The following CXADR variants were observed in gnomAD, a reference collection of about 807,000 sequenced individuals.
The protein encoded by CXADR is CXADR cell adhesion molecule.
A neutral mutation model predicts 40.3 loss-of-function variants in CXADR; 20 were observed. That is an observed-to-expected ratio of 0.50 (90% CI 0.35 to 0.72). CXADR has a LOEUF of 0.72. Among genes scored for constraint, CXADR ranks in the 30% least tolerant of loss-of-function variants. The pLI, the probability that CXADR is intolerant of heterozygous loss-of-function variation, is 0.01. For missense variants in CXADR, 332 were observed against 449.1 expected (o/e 0.74, Z 2.36); for synonymous variants, 150 against 161.3 (o/e 0.93, Z 0.53).
chr21:17,523,919 C>T (rs938920795), intron 1 of CXADR, among the ~76,000 whole-genome samples: 1 of 151,820 alleles, frequency 6.6e-6, no homozygotes, highest in African/African-American at 2.4e-5. Context: ...AGTGCAGTGG[C>T]GCGATCTCGG....
At chr21:17,615,591 T>G in the CXADR span, among the ~76,000 whole-genome samples, 1 of 152,204 alleles carries the variant, frequency 6.6e-6, no homozygotes, top group Non-Finnish European at 1.5e-5. Flanking sequence ...TCAAAATATC[T>G]TATTGTACTG....
intron 1 of CXADR, among the ~76,000 whole-genome samples, chr21:17,535,349 A>G (rs566754258): frequency 6.6e-6 from 1 of 152,072 alleles, no homozygotes; most frequent in African/African-American, 2.4e-5. Context: ...GCTTAGATCT[A>G]CCATGCCTGG....
the CXADR span, among the ~76,000 whole-genome samples, chr21:17,616,304 A>G: frequency 6.7e-6 from 1 of 150,098 alleles, no homozygotes; most frequent in Non-Finnish European, 1.5e-5. Flanking sequence ...TTCTCAATTC[A>G]CTTGTCAAGT....
At chr21:17,560,393 G>A (rs1466739813) in intron 4 of CXADR, among the ~76,000 whole-genome samples, 1 of 152,146 alleles carries the variant, frequency 6.6e-6, no homozygotes, top group Non-Finnish European at 1.5e-5. Flanking sequence ...GTGGAATGCG[G>A]TAGCGTTTAT....
Position 17,569,642 on chromosome 21 carries a change from A to G in CXADR, c.*3950A>G. The G allele has an allele frequency of 2.0e-6, 2 of 981,502 alleles. No homozygotes were observed. The highest frequency in any genetic ancestry group is 2.4e-6 in the Non-Finnish European group (2 of 826,414). The allele number at this position is 981,502 out of a possible 1,614,324, so 60.8% of individuals were successfully genotyped here. ...TATTTATCTTTAGGGAAGGCTGATC[A>G]TTTATCTTATAGCAGATAACCCCAG... On this transcript the variant is annotated 3_prime_UTR_variant, in exon 7 of 7. Coordinates refer to ENST00000284878, the MANE Select transcript of CXADR (RefSeq NM_001338.5).
chr21:17,584,316 A>G (rs1225545695), intron 7 of CXADR, among the ~76,000 whole-genome samples: 1 of 152,174 alleles, frequency 6.6e-6, no homozygotes, highest in African/African-American at 2.4e-5. Flanking sequence ...TTAATTAAAG[A>G]CGTAGCTTTG....
chr21:17,557,752 GAA>G (rs3838062), intron 3 of CXADR, among the ~76,000 whole-genome samples: 96,322 of 151,816 alleles, frequency 0.63, 30,961 homozygotes, highest in East Asian at 0.76. Context: ...GGTTCCAGAA[GAA>G]GAGCTAATCT....
chr21:17,522,974 T>C (rs572826839), intron 1 of CXADR, among the ~76,000 whole-genome samples: 1 of 152,334 alleles, frequency 6.6e-6, no homozygotes, highest in South Asian at 2.1e-4. Context: ...ATGAATATCT[T>C]ACTTGGCCTT....
chr21:17,551,598 A>G (rs936748090), intron 2 of CXADR, 151 bp from the exon 3 acceptor site: 2 of 628,186 alleles, frequency 3.2e-6, no homozygotes, highest in Non-Finnish European at 5.6e-6. Context: ...TGGTTTGGGT[A>G]GTTTTATGTT....
chr21:17,582,892 T>C (rs542444250), intron 7 of CXADR, among the ~76,000 whole-genome samples: 92 of 152,342 alleles, frequency 6.0e-4, no homozygotes, highest in African/African-American at 2.2e-3. Context: ...CTGCTGGCAC[T>C]GTGCTCTTTT....
chr21:17,525,208 A>C (rs1237079529), intron 1 of CXADR, among the ~76,000 whole-genome samples: 1 of 152,244 alleles, frequency 6.6e-6, no homozygotes, highest in Non-Finnish European at 1.5e-5. Context: ...GAAACGTTAA[A>C]ATCATTTTCA....
chr21:17,593,866 A>T, downstream of CXADR: 1 of 536,506 alleles, frequency 1.9e-6, no homozygotes, highest in East Asian at 3.4e-5. Flanking sequence ...CCAATATTAA[A>T]AACTTAGGCA....
chr21:17,590,144 T>C (rs1285950888), intron 7 of CXADR, among the ~76,000 whole-genome samples: 1 of 151,988 alleles, frequency 6.6e-6, no homozygotes, highest in Non-Finnish European at 1.5e-5. Context: ...ATAATTAGTA[T>C]TTTTAAGTCC....
intron 1 of CXADR, among the ~76,000 whole-genome samples, chr21:17,528,221 C>T (rs1317632717): frequency 6.6e-6 from 1 of 150,660 alleles, no homozygotes; most frequent in African/African-American, 2.4e-5. Context: ...CTACAGGTGC[C>T]TGCCACCTCA....
intron 3 of CXADR, among the ~76,000 whole-genome samples, chr21:17,552,214 G>T (rs1310804402): frequency 6.6e-6 from 1 of 152,182 alleles, no homozygotes; most frequent in Non-Finnish European, 1.5e-5. Flanking sequence ...TATGGAGGAA[G>T]AACCCTAAGC....
intron 1 of CXADR, among the ~76,000 whole-genome samples, chr21:17,536,652 A>G (rs1418855114): frequency 1.3e-5 from 2 of 152,238 alleles, no homozygotes; most frequent in Admixed American, 6.5e-5. Context: ...GAATAGGGAC[A>G]TGTAAATACC....
rs77843428 is a variant in CXADR at position 17,558,335 on chromosome 21, A to G, written c.416-641A>G. 3.4e-3 allele frequency among the ~76,000 whole-genome samples: 521 copies of G among 152,100 alleles called. 1 individual carries two copies. The highest frequency in any genetic ancestry group is 5.0e-3 in the Non-Finnish European group (338 of 67,976). ...TATTATGACAGAGTCTCGCTATGTTACCCAGGCTGGTCTCAAACCCCTGAC... is the reference window on the plus strand; with the variant it reads ...TATTATGACAGAGTCTCGCTATGTTGCCCAGGCTGGTCTCAAACCCCTGAC... On this transcript the variant is annotated intron_variant, in intron 3 of 6. Transcript: ENST00000284878.
At chr21:17,553,865 C>T (rs917098046) in intron 3 of CXADR, among the ~76,000 whole-genome samples, 4 of 152,100 alleles carry the variant, frequency 2.6e-5, no homozygotes, top group African/African-American at 9.7e-5. Context: ...GATCTGCCTG[C>T]CTTGGCCTCC....
intron 1 of CXADR, among the ~76,000 whole-genome samples, chr21:17,535,071 C>T (rs950995280): frequency 1.6e-4 from 25 of 152,150 alleles, no homozygotes; most frequent in Non-Finnish European, 2.9e-4. Flanking sequence ...CATGAGCCAC[C>T]GCGCCCGGCC....
Sources: allele counts gnomAD v4.1 joint callset (sites outside exome capture counted in the v4.1 genomes callset), GRCh38; gene constraint gnomAD v4.1.1; transcripts MANE v1.5; gene names NCBI Gene and HGNC (gene_info 2026-07-23, HGNC 2026-07-21).